FGFR2: variants seen among roughly 807,000 people sequenced by gnomAD.
FGFR2 encodes the protein fibroblast growth factor receptor 2.
Under a neutral mutation model 95.9 loss-of-function variants are expected in FGFR2, and 19 were observed. That is an observed-to-expected ratio of 0.20 (90% CI 0.14 to 0.29). The LOEUF (loss-of-function observed/expected upper bound fraction) is 0.29. Among genes scored for constraint, FGFR2 ranks in the 10% least tolerant of loss-of-function variants. FGFR2 has a pLI of 1.00. For missense variants in FGFR2, 707 were observed against 1,056.9 expected (o/e 0.67, Z 4.59); for synonymous variants, 392 against 393.3 (o/e 1.00, Z 0.04).
chr10:121,480,862 C>T (rs921921273), intron 17 of FGFR2, among the ~76,000 whole-genome samples: 28 of 151,914 alleles, frequency 1.8e-4, no homozygotes, highest in African/African-American at 4.3e-4. Flanking sequence ...TGCCCACAGA[C>T]GACTTTGTAT....
At chr10:121,519,951 G>C (rs1850263409) in intron 7 of FGFR2, 28 bp downstream of exon 7, 12 of 1,611,960 alleles carry the variant, frequency 7.4e-6, no homozygotes, top group Non-Finnish European at 9.3e-6. Context: ...CCCAGTTGTG[G>C]GTACCTTTAG....
intron 2 of FGFR2, among the ~76,000 whole-genome samples, chr10:121,566,537 G>C (rs1194871102): frequency 6.6e-6 from 1 of 152,064 alleles, no homozygotes; most frequent in East Asian, 1.9e-4. Context: ...TTCTTCTGTA[G>C]GGACAGTCCT....
intron 2 of FGFR2, among the ~76,000 whole-genome samples, chr10:121,567,183 A>G (rs545616624): frequency 4.6e-5 from 7 of 152,162 alleles, no homozygotes; most frequent in Admixed American, 6.5e-5. Flanking sequence ...TTTCAGTCCC[A>G]CTGTGAAAGG....
intron 9 of FGFR2, among the ~76,000 whole-genome samples, chr10:121,514,481 T>C (rs973558306): frequency 6.6e-6 from 1 of 152,150 alleles, no homozygotes; most frequent in Non-Finnish European, 1.5e-5. Flanking sequence ...GCTGGTTCCA[T>C]ACAAATATTC....
chr10:121,596,032 C>T (rs1863383964), intron 1 of FGFR2, among the ~76,000 whole-genome samples: 1 of 152,234 alleles, frequency 6.6e-6, no homozygotes. Flanking sequence ...GGTCCCCAGG[C>T]TCGGTGTTGG....
intron 5 of FGFR2, among the ~76,000 whole-genome samples, chr10:121,540,906 T>C (rs1321115097): frequency 1.3e-5 from 2 of 152,174 alleles, no homozygotes; most frequent in Admixed American, 6.5e-5. Context: ...GAGCTGAACC[T>C]GAACTGCACA....
At chr10:121,508,483 G>A (rs1337721943) in intron 9 of FGFR2, among the ~76,000 whole-genome samples, 1 of 152,036 alleles carries the variant, frequency 6.6e-6, no homozygotes, top group Non-Finnish European at 1.5e-5. Flanking sequence ...GACCCCAAAG[G>A]AATCTGCATC....
At chr10:121,569,799 T>G (rs1193694941) in intron 2 of FGFR2, among the ~76,000 whole-genome samples, 1 of 152,200 alleles carries the variant, frequency 6.6e-6, no homozygotes, top group South Asian at 2.1e-4. Context: ...CAAGGACTCC[T>G]CCCTCCACCC....
At chr10:121,535,204 T>C (rs1172605111) in intron 6 of FGFR2, among the ~76,000 whole-genome samples, 1 of 152,204 alleles carries the variant, frequency 6.6e-6, no homozygotes, top group Non-Finnish European at 1.5e-5. Context: ...ACCTTAATTT[T>C]GAATTTTTAG....
At chr10:121,491,054 C>T (rs555779548) in intron 13 of FGFR2, among the ~76,000 whole-genome samples, 46 of 152,232 alleles carry the variant, frequency 3.0e-4, no homozygotes, top group Admixed American at 5.9e-4. Context: ...GTGCTCCTGC[C>T]GACACGCGCT....
At chr10:121,561,880 C>A (rs994696653) in intron 4 of FGFR2, among the ~76,000 whole-genome samples, 29 of 152,178 alleles carry the variant, frequency 1.9e-4, no homozygotes, top group Admixed American at 1.8e-3. Context: ...AATGGGCCAA[C>A]GGCCTTAACA....
At chr10:121,540,493 T>C (rs1589914241) in intron 5 of FGFR2, among the ~76,000 whole-genome samples, 1 of 152,292 alleles carries the variant, frequency 6.6e-6, no homozygotes, top group East Asian at 1.9e-4. Context: ...GAGAATTCCC[T>C]ACCTAAATCC....
At chr10:121,554,599 C>T (rs1855867460) in intron 4 of FGFR2, among the ~76,000 whole-genome samples, 1 of 151,186 alleles carries the variant, frequency 6.6e-6, no homozygotes, top group African/African-American at 2.4e-5. Flanking sequence ...TCTGGATCTC[C>T]TGACCTCATG....
At chr10:121,539,755 G>T (rs1264077225) in intron 5 of FGFR2, among the ~76,000 whole-genome samples, 1 of 152,214 alleles carries the variant, frequency 6.6e-6, no homozygotes, top group African/African-American at 2.4e-5. Flanking sequence ...CATGCCCTGG[G>T]CATTGCAAGT....
Position 121,515,127 on chromosome 10 carries a change from C to T in FGFR2, c.1277G>A (p.Arg426Lys), listed in dbSNP as rs769536077. The change falls in exon 9 of 18, where the codon AGA (arginine) becomes AAA (lysine). Residue 426 changes from arginine to lysine, a missense_variant. Physicochemically the swap from Arg to Lys is conservative, Grantham distance 26. Coordinates refer to ENST00000358487, the MANE Select transcript of FGFR2 (RefSeq NM_000141.5). ...HKLTKRIPLRRQVTVSAESSS... is the reference protein window; with the variant it reads ...HKLTKRIPLRKQVTVSAESSS... ...TCTTTATCTACTTTCTGTTACCTGT[C>T]TCCGCAGGGGGATACGTTTGGTCAG... 1.7e-5 allele frequency: 27 copies of T among 1,613,980 alleles called. No homozygotes were observed. The highest frequency in any genetic ancestry group is 2.0e-5 in the Non-Finnish European group (24 of 1,179,986).
rs188803200 is a variant in FGFR2, at chr10:121,533,889, T to C, written c.748+4703A>G. Among the ~76,000 whole-genome samples the C allele has an allele frequency of 1.9e-3, 291 of 152,112 alleles. 3 individuals are homozygous for C. Among genetic ancestry groups the C allele is most frequent in the African/African-American group, 6.5e-3 (271 of 41,498 alleles). On this transcript the variant is annotated intron_variant, in intron 6 of 17. Transcript: ENST00000358487. ...CCAGCTGAACCTGAACTTCCTCCAC[T>C]GCAAAGTGGGGGAGGGGAGGGGTGG...
At chr10:121,566,838 CA>C (rs964760789) in intron 2 of FGFR2, among the ~76,000 whole-genome samples, 2 of 152,104 alleles carry the variant, frequency 1.3e-5, no homozygotes, top group Non-Finnish European at 1.5e-5. Context: ...CCATGTCAAA[CA>C]AGGTCACAGT....
intron 4 of FGFR2, among the ~76,000 whole-genome samples, chr10:121,553,733 GTCT>G (rs1564977057): frequency 6.6e-6 from 1 of 152,180 alleles, no homozygotes; most frequent in African/African-American, 2.4e-5. Context: ...CCTGTGGAAT[GTCT>G]TTTCTTTTTT....
In FGFR2 at chr10:121,552,967, G is replaced by A. The variant is rs78957567; in HGVS notation, c.455-1508C>T. On this transcript the variant is annotated intron_variant, in intron 4 of 17. Coordinates refer to ENST00000358487, the MANE Select transcript of FGFR2 (RefSeq NM_000141.5). Reference sequence around the variant, plus strand: ...TATTTAGAAGTCTCCTCTATTCTACGGGTGTAGAGCACGTCCCTGGGGGAT... The same window carrying A: ...TATTTAGAAGTCTCCTCTATTCTACAGGTGTAGAGCACGTCCCTGGGGGAT... Among the ~76,000 whole-genome samples, 735 of 152,220 alleles carry A rather than the reference G, an allele frequency of 4.8e-3. 6 individuals are homozygous for A. The highest frequency in any genetic ancestry group is 0.016 in the African/African-American group (651 of 41,540).
Sources: allele counts gnomAD v4.1 joint callset (sites outside exome capture counted in the v4.1 genomes callset), GRCh38; gene constraint gnomAD v4.1.1; transcripts MANE v1.5; gene names NCBI Gene and HGNC (gene_info 2026-07-23, HGNC 2026-07-21).